Variants in SLC7A2 observed in about 807,000 individuals in gnomAD.
SLC7A2 encodes cationic amino acid transporter 2.
SLC7A2 carries 48 observed loss-of-function variants against 58.9 expected under a neutral mutation model. The observed-to-expected ratio is 0.82, with a 90% CI of 0.65 to 1.04. The LOEUF (loss-of-function observed/expected upper bound fraction) is 1.04. SLC7A2 is among the 50% of genes least tolerant of loss of function. The pLI is 0.00. For missense variants in SLC7A2, 1,029 were observed against 818.8 expected (o/e 1.26, Z -3.13); for synonymous variants, 363 against 314.5 (o/e 1.15, Z -1.63).
intron 2 of SLC7A2, among the ~76,000 whole-genome samples, chr8:17,502,531 C>T (rs929428617): frequency 3.3e-5 from 5 of 152,288 alleles, no homozygotes; most frequent in African/African-American, 1.2e-4. Flanking sequence ...TATTGCTCTT[C>T]CATTGCACAA....
intron 2 of SLC7A2, among the ~76,000 whole-genome samples, chr8:17,517,455 A>T (rs1200804658): frequency 6.6e-6 from 1 of 152,224 alleles, no homozygotes; most frequent in Non-Finnish European, 1.5e-5. Context: ...AGTGTACTAG[A>T]AAATGTTACA....
intron 1 of SLC7A2, among the ~76,000 whole-genome samples, chr8:17,498,376 C>T (rs1339606083): frequency 6.6e-6 from 1 of 152,138 alleles, no homozygotes; most frequent in African/African-American, 2.4e-5. Flanking sequence ...TTATCTCCTC[C>T]GGAAGGTGAA....
intron 11 of SLC7A2, 31 bp from the exon 12 acceptor site, chr8:17,563,572 G>A (rs371371621): frequency 1.5e-6 from 2 of 1,311,288 alleles, no homozygotes; most frequent in Non-Finnish European, 1.1e-6. Flanking sequence ...CAAAATATGA[G>A]TATGTTCAAA....
chr8:17,535,183 C>T (rs1027163159), intron 2 of SLC7A2, among the ~76,000 whole-genome samples: 1 of 152,158 alleles, frequency 6.6e-6, no homozygotes, highest in Non-Finnish European at 1.5e-5. Context: ...CTGCTTAGCT[C>T]TGCTTACCTC....
At chr8:17,556,371 G>A (rs1160149031) in intron 8 of SLC7A2, among the ~76,000 whole-genome samples, 4 of 151,986 alleles carry the variant, frequency 2.6e-5, no homozygotes, top group African/African-American at 7.3e-5. Flanking sequence ...TAATTTGGTG[G>A]CATGTTAAGA....
At chr8:17,498,576 A>G (rs556369112) in intron 1 of SLC7A2, 3 of 152,274 alleles carry the variant, frequency 2.0e-5, no homozygotes, top group African/African-American at 7.2e-5. Context: ...CAAAGTTGCT[A>G]GTTGCCTGCT....
chr8:17,556,269 A>G (rs1802697585), intron 8 of SLC7A2, among the ~76,000 whole-genome samples: 1 of 152,298 alleles, frequency 6.6e-6, no homozygotes, highest in African/African-American at 2.4e-5. Context: ...CGTTTTATTT[A>G]ACTCATAAAA....
At chr8:17,495,025 T>C (rs1799922379), upstream of SLC7A2, among the ~76,000 whole-genome samples, 1 of 152,250 alleles carries the variant, frequency 6.6e-6, no homozygotes, top group Non-Finnish European at 1.5e-5. Flanking sequence ...TCCCAAATCA[T>C]TGTGTTGTAA....
At chr8:17,509,221 C>G (rs1351173679) in intron 2 of SLC7A2, among the ~76,000 whole-genome samples, 1 of 152,150 alleles carries the variant, frequency 6.6e-6, no homozygotes, top group Non-Finnish European at 1.5e-5. Context: ...TGAAATCTAA[C>G]TTTGTATCCA....
chr8:17,495,379 A>C (rs1047201473), upstream of SLC7A2, among the ~76,000 whole-genome samples: 6 of 152,214 alleles, frequency 3.9e-5, no homozygotes, highest in Non-Finnish European at 7.3e-5. Flanking sequence ...TCTGGTGTTA[A>C]AAGTCCACAC....
At chr8:17,506,572 C>T (rs1800372753) in intron 2 of SLC7A2, among the ~76,000 whole-genome samples, 1 of 152,166 alleles carries the variant, frequency 6.6e-6, no homozygotes, top group African/African-American at 2.4e-5. Context: ...AAGTAAGTGC[C>T]TCAGAATGAC....
chr8:17,520,378 T>G (rs1800965898), intron 2 of SLC7A2, among the ~76,000 whole-genome samples: 2 of 152,026 alleles, frequency 1.3e-5, no homozygotes, highest in Non-Finnish European at 2.9e-5. Context: ...CAGTGGCTCA[T>G]GCCTGTAATC....
intron 2 of SLC7A2, among the ~76,000 whole-genome samples, chr8:17,522,418 G>T (rs1408817884): frequency 6.6e-6 from 1 of 152,202 alleles, no homozygotes; most frequent in Non-Finnish European, 1.5e-5. Context: ...ATGTCAACTT[G>T]GCCATGCTGA....
At position 17,553,525 on chromosome 8, in the gene SLC7A2, C is replaced by G. The variant is rs181469034; in HGVS notation, c.1056-1035C>G. On this transcript the variant is annotated intron_variant, in intron 7 of 12. Coordinates refer to ENST00000494857, the MANE Select transcript of SLC7A2 (RefSeq NM_001370338.1). ...GTGGTTCACTCTTGTAGTCCCAGCA[C>G]TTTGGGACACCGAGGCGGGAGGATC... 2.5e-3 allele frequency among the ~76,000 whole-genome samples: 383 copies of G among 152,316 alleles called. 3 individuals carry two copies. The highest frequency in any genetic ancestry group is 9.0e-3 in the African/African-American group (374 of 41,574).
At chr8:17,494,092 C>T (rs560445347), upstream of SLC7A2, among the ~76,000 whole-genome samples, 132 of 152,258 alleles carry the variant, frequency 8.7e-4, 4 homozygotes, top group Middle Eastern at 0.037. Context: ...ATCCAACCAT[C>T]TGAAAAAAAT....
chr8:17,511,873 T>C (rs1585189665), intron 2 of SLC7A2, among the ~76,000 whole-genome samples: 1 of 152,324 alleles, frequency 6.6e-6, no homozygotes, highest in East Asian at 1.9e-4. Flanking sequence ...ATTTATGTTC[T>C]TTCTATACCC....
At chr8:17,559,757 A>G (rs1373409741) in intron 9 of SLC7A2, among the ~76,000 whole-genome samples, 1 of 152,180 alleles carries the variant, frequency 6.6e-6, no homozygotes, top group Non-Finnish European at 1.5e-5. Context: ...CAGCCAAACC[A>G]TATCACGGCT....
intron 2 of SLC7A2, chr8:17,510,810 A>G (rs1256606776): frequency 6.6e-6 from 1 of 152,230 alleles, no homozygotes; most frequent in Non-Finnish European, 1.5e-5. Flanking sequence ...ACCCATGTTT[A>G]TTGCAGCACT....
chr8:17,538,210 T>G (rs1486704688), intron 2 of SLC7A2, among the ~76,000 whole-genome samples: 1 of 152,230 alleles, frequency 6.6e-6, no homozygotes, highest in Non-Finnish European at 1.5e-5. Context: ...AAAATATCAA[T>G]GGTTTTATTA....
Sources: gnomAD v4.1 joint callset for allele counts (sites outside exome capture counted in the v4.1 genomes callset) on GRCh38, gnomAD v4.1.1 for gene constraint, MANE v1.5 for transcripts, NCBI Gene and HGNC (gene_info 2026-07-23, HGNC 2026-07-21) for gene names.